CACNA2D3: variants seen among roughly 807,000 people sequenced by gnomAD.
The protein encoded by CACNA2D3 is calcium voltage-gated channel auxiliary subunit alpha2delta 3.
A neutral mutation model predicts 160.6 loss-of-function variants in CACNA2D3; 60 were observed. The ratio of observed to expected loss-of-function variants is 0.37; its 90% CI spans 0.30 to 0.46. CACNA2D3 has a LOEUF of 0.46. Among genes scored for constraint, CACNA2D3 ranks in the 20% least tolerant of loss-of-function variants. The probability of loss-of-function intolerance (pLI) is 1.00; values close to 1 mark genes in which losing one functional copy is unlikely to be tolerated. For missense variants in CACNA2D3, 1,205 were observed against 1,365.0 expected (o/e 0.88, Z 1.85); for synonymous variants, 558 against 492.9 (o/e 1.13, Z -1.75).
chr3:54,390,464 C>T lies in CACNA2D3; in HGVS notation c.381+3690C>T, dbSNP rs75433734. 3.4e-3 allele frequency among the ~76,000 whole-genome samples: 523 copies of T among 152,258 alleles called. 3 individuals are homozygous for T. In the East Asian group the frequency reaches 0.038, roughly 11 times the overall value. ...AGCTAAAGTTTTCCTCCCCAGTCAC[C>T]TGTTCTGGACATGTACAACAAAAGC... On this transcript the variant is annotated intron_variant, in intron 4 of 37. Transcript: ENST00000474759.
At chr3:54,649,429 C>G (rs905449437) in intron 11 of CACNA2D3, among the ~76,000 whole-genome samples, 2 of 152,184 alleles carry the variant, frequency 1.3e-5, no homozygotes, top group African/African-American at 4.8e-5. Flanking sequence ...TACAGAGGCT[C>G]GGGAAATCAG....
chr3:54,506,887 G>A (rs185502268), intron 5 of CACNA2D3, among the ~76,000 whole-genome samples: 208 of 152,310 alleles, frequency 1.4e-3, no homozygotes, highest in African/African-American at 4.7e-3. Flanking sequence ...AAGAACTGCT[G>A]ATGATCTGGC....
At chr3:54,664,912 C>T (rs143857625) in intron 11 of CACNA2D3, among the ~76,000 whole-genome samples, 88 of 152,332 alleles carry the variant, frequency 5.8e-4, no homozygotes, top group South Asian at 1.0e-3. Context: ...GACCAGATTG[C>T]CCTGCTCCAT....
intron 11 of CACNA2D3, among the ~76,000 whole-genome samples, chr3:54,709,496 G>A (rs1374663122): frequency 1.3e-5 from 2 of 152,070 alleles, no homozygotes; most frequent in African/African-American, 4.8e-5. Flanking sequence ...GAGTAGTTGG[G>A]ACTGCAGGTG....
At chr3:54,944,403 T>C (rs1162148969) in intron 27 of CACNA2D3, among the ~76,000 whole-genome samples, 2 of 142,248 alleles carry the variant, frequency 1.4e-5, no homozygotes, top group African/African-American at 5.0e-5. Flanking sequence ...AGGGTATTTA[T>C]TTATTTATTT....
intron 35 of CACNA2D3, among the ~76,000 whole-genome samples, chr3:55,060,339 G>A (rs1322384337): frequency 6.6e-6 from 1 of 152,180 alleles, no homozygotes; most frequent in African/African-American, 2.4e-5. Flanking sequence ...AGTGGTAGAC[G>A]ATGTTGGTGG....
intron 11 of CACNA2D3, among the ~76,000 whole-genome samples, chr3:54,662,635 T>C (rs1327595391): frequency 6.6e-6 from 1 of 152,186 alleles, no homozygotes; most frequent in Non-Finnish European, 1.5e-5. Context: ...AGCAAGTGCG[T>C]CTGCTGGGCT....
intron 11 of CACNA2D3, among the ~76,000 whole-genome samples, chr3:54,685,314 T>G (rs1700430248): frequency 6.6e-6 from 1 of 152,260 alleles, no homozygotes. Flanking sequence ...TACAGGTGAT[T>G]GCAGTCTGTG....
chr3:54,774,381 G>C (rs1398177889), intron 13 of CACNA2D3, among the ~76,000 whole-genome samples: 1 of 152,104 alleles, frequency 6.6e-6, no homozygotes, highest in African/African-American at 2.4e-5. Flanking sequence ...TGTCCTATAT[G>C]ACTGGAGCAG....
At chr3:54,646,725 A>T (rs968633093) in intron 11 of CACNA2D3, among the ~76,000 whole-genome samples, 10 of 152,186 alleles carry the variant, frequency 6.6e-5, no homozygotes, top group African/African-American at 1.9e-4. Context: ...ATACACATGC[A>T]TGTTATCTTT....
intron 24 of CACNA2D3, 101 bp from the exon 25 acceptor site, chr3:54,891,254 A>T: frequency 2.8e-6 from 2 of 705,580 alleles, no homozygotes; most frequent in Non-Finnish European, 4.9e-6. Context: ...TTAAGTTTCA[A>T]AACTGCTATT....
chr3:54,762,402 G>A (rs967694564), intron 12 of CACNA2D3, among the ~76,000 whole-genome samples: 1 of 152,172 alleles, frequency 6.6e-6, no homozygotes, highest in African/African-American at 2.4e-5. Flanking sequence ...TAGCTACACT[G>A]ACCCTTGCTC....
At chr3:54,228,136 C>T (rs750381682) in intron 2 of CACNA2D3, among the ~76,000 whole-genome samples, 1 of 152,176 alleles carries the variant, frequency 6.6e-6, no homozygotes, top group African/African-American at 2.4e-5. Flanking sequence ...AGCTTAGACA[C>T]TAGGGACAGT....
intron 4 of CACNA2D3, among the ~76,000 whole-genome samples, chr3:54,391,512 CTTTCTTTTTTTT>C (rs962537673): frequency 1.3e-5 from 2 of 148,352 alleles, no homozygotes; most frequent in African/African-American, 4.9e-5. Flanking sequence ...TTCTTTCTTT[CTTTCTTTTTTTT>C]TTTTGAGACA....
intron 11 of CACNA2D3, among the ~76,000 whole-genome samples, chr3:54,652,338 G>A (rs914327115): frequency 6.6e-6 from 1 of 152,206 alleles, no homozygotes; most frequent in African/African-American, 2.4e-5. Context: ...ATGGAGCCCA[G>A]GAGTAGGGGG....
chr3:54,988,707 T>C (rs755024625), intron 31 of CACNA2D3, among the ~76,000 whole-genome samples: 1 of 152,238 alleles, frequency 6.6e-6, no homozygotes, highest in Non-Finnish European at 1.5e-5. Context: ...AATCAGACTT[T>C]TAAGCTAGTC....
intron 2 of CACNA2D3, among the ~76,000 whole-genome samples, chr3:54,194,714 A>G (rs1282637579): frequency 6.6e-6 from 1 of 152,220 alleles, no homozygotes; most frequent in East Asian, 1.9e-4. Flanking sequence ...TTCCTCATAG[A>G]TGGCACTGAC....
At chr3:54,222,177 C>A (rs536400069) in intron 2 of CACNA2D3, among the ~76,000 whole-genome samples, 1 of 152,180 alleles carries the variant, frequency 6.6e-6, no homozygotes, top group East Asian at 1.9e-4. Context: ...TATGCAATTA[C>A]GGAGGCTGAC....
At chr3:54,642,334 C>T in intron 11 of CACNA2D3, 93 bp downstream of exon 11, 4 of 626,848 alleles carry the variant, frequency 6.4e-6, no homozygotes, top group Non-Finnish European at 1.1e-5. Context: ...CTCATGTAGA[C>T]TTAATCTCAT....
Sources: allele counts gnomAD v4.1 joint callset (sites outside exome capture counted in the v4.1 genomes callset), GRCh38; gene constraint gnomAD v4.1.1; transcripts MANE v1.5; gene names NCBI Gene and HGNC (gene_info 2026-07-23, HGNC 2026-07-21).